The following ASTN2 variants were observed in gnomAD, a reference collection of about 807,000 sequenced individuals.
The protein encoded by ASTN2 is astrotactin-2.
In ASTN2, 54 loss-of-function variants were observed where a neutral mutation model predicts 139.8. The ratio of observed to expected loss-of-function variants is 0.39; its 90% confidence interval spans 0.31 to 0.48. The LOEUF (loss-of-function observed/expected upper bound fraction) is 0.48. Ranked by LOEUF, ASTN2 falls within the 20% of genes least tolerant of loss-of-function variation. ASTN2 has a pLI of 0.95. For missense variants in ASTN2, 1,565 were observed against 1,725.1 expected (o/e 0.91, Z 1.64); for synonymous variants, 756 against 719.5 (o/e 1.05, Z -0.81).
At chr9:116,661,698 T>C (rs1383914781) in intron 16 of ASTN2, among the ~76,000 whole-genome samples, 2 of 152,028 alleles carry the variant, frequency 1.3e-5, no homozygotes, top group Non-Finnish European at 2.9e-5. Flanking sequence ...TTCATATACA[T>C]CTGGATGTGA....
chr9:116,855,858 A>C (rs186839771), intron 11 of ASTN2, among the ~76,000 whole-genome samples: 1 of 152,320 alleles, frequency 6.6e-6, no homozygotes, highest in East Asian at 1.9e-4. Context: ...CAGGCACATA[A>C]TTAGTACTGA....
intron 20 of ASTN2, among the ~76,000 whole-genome samples, chr9:116,456,257 C>T (rs891653668): frequency 6.6e-6 from 1 of 151,868 alleles, no homozygotes; most frequent in African/African-American, 2.4e-5. Context: ...AAAGGAATCC[C>T]GTTTACAATA....
intron 6 of ASTN2, 52 bp downstream of exon 6, chr9:117,039,767 G>C: frequency 6.4e-7 from 1 of 1,568,228 alleles, no homozygotes; most frequent in Non-Finnish European, 8.7e-7. Context: ...TGACCAGTCA[G>C]GGGTGCAAGG....
intron 18 of ASTN2, among the ~76,000 whole-genome samples, chr9:116,619,898 C>G (rs1015465773): frequency 6.6e-6 from 1 of 151,942 alleles, no homozygotes; most frequent in Non-Finnish European, 1.5e-5. Flanking sequence ...CTAAATTGTC[C>G]GTTCCCTGAG....
At position 116,681,128 on chromosome 9, in the gene ASTN2, T is replaced by C. The variant is rs146109782; in HGVS notation, c.2807-29335A>G. Among the ~76,000 whole-genome samples, 630 of 152,306 alleles carry C rather than the reference T, an allele frequency of 4.1e-3. 2 individuals are homozygous for C. The highest frequency in any genetic ancestry group is 0.02 in the Middle Eastern group (6 of 294). On this transcript the variant is annotated intron_variant, in intron 16 of 22. Coordinates refer to ENST00000313400, the MANE Select transcript of ASTN2 (RefSeq NM_001365068.1). ...ATAATTGTATATCTAGAAAACCCCA[T>C]TGTCTCAGCCCAAAATCTCCTTAAG...
intron 1 of ASTN2, among the ~76,000 whole-genome samples, chr9:117,354,886 A>T (rs1015238523): frequency 4.6e-5 from 7 of 152,224 alleles, no homozygotes; most frequent in African/African-American, 1.7e-4. Flanking sequence ...TAAATGCCCT[A>T]GTTATAAGTT....
intron 19 of ASTN2, among the ~76,000 whole-genome samples, chr9:116,521,724 G>T (rs1462705334): frequency 6.6e-6 from 1 of 152,128 alleles, no homozygotes; most frequent in Non-Finnish European, 1.5e-5. Flanking sequence ...AAAACCCACA[G>T]AGTGGGAGAA....
At chr9:116,570,947 T>C (rs1853480249) in intron 19 of ASTN2, among the ~76,000 whole-genome samples, 1 of 152,236 alleles carries the variant, frequency 6.6e-6, no homozygotes, top group African/African-American at 2.4e-5. Flanking sequence ...AAAGGTATAT[T>C]TTTAAAAGGA....
At chr9:117,404,396 T>C (rs1360813768) in intron 1 of ASTN2, among the ~76,000 whole-genome samples, 1 of 152,200 alleles carries the variant, frequency 6.6e-6, no homozygotes, top group Middle Eastern at 3.2e-3. Flanking sequence ...TTGGTTGTGC[T>C]GTGGATTAGC....
At chr9:117,338,404 G>A (rs1828957354) in intron 1 of ASTN2, among the ~76,000 whole-genome samples, 1 of 152,006 alleles carries the variant, frequency 6.6e-6, no homozygotes, top group Non-Finnish European at 1.5e-5. Flanking sequence ...CAATCCTACA[G>A]ATCCTATCCA....
At chr9:116,978,312 G>T (rs1659800274) in intron 7 of ASTN2, among the ~76,000 whole-genome samples, 1 of 152,116 alleles carries the variant, frequency 6.6e-6, no homozygotes, top group African/African-American at 2.4e-5. Flanking sequence ...TTACTGCCTA[G>T]AATAGGGTCA....
At chr9:117,195,358 T>C (rs1444541717) in intron 3 of ASTN2, among the ~76,000 whole-genome samples, 2 of 152,102 alleles carry the variant, frequency 1.3e-5, no homozygotes, top group African/African-American at 4.8e-5. Flanking sequence ...TTAGCAAGTC[T>C]GAAGAACAGA....
intron 2 of ASTN2, among the ~76,000 whole-genome samples, chr9:117,241,932 C>CT (rs1345378127): frequency 1.4e-5 from 2 of 147,768 alleles, no homozygotes; most frequent in African/African-American, 5.1e-5. Context: ...TTACCCCCCC[C>CT]CACACACACA....
intron 10 of ASTN2, among the ~76,000 whole-genome samples, chr9:116,934,106 T>G (rs1834998176): frequency 6.6e-6 from 1 of 150,680 alleles, no homozygotes; most frequent in African/African-American, 2.4e-5. Context: ...CCAGATGCAA[T>G]TCAATATTTT....
chr9:116,696,931 A>G (rs1194430550), intron 16 of ASTN2, among the ~76,000 whole-genome samples: 1 of 148,274 alleles, frequency 6.7e-6, no homozygotes. Flanking sequence ...ACATGACACA[A>G]TAAACTCTGT....
intron 19 of ASTN2, among the ~76,000 whole-genome samples, chr9:116,548,180 G>A (rs574738997): frequency 5.7e-4 from 87 of 152,312 alleles, no homozygotes; most frequent in African/African-American, 2.1e-3. Context: ...TCTGGGCCTT[G>A]CCTCTAAGCC....
intron 13 of ASTN2, among the ~76,000 whole-genome samples, chr9:116,779,296 CT>C (rs1264539717): frequency 6.6e-6 from 1 of 152,046 alleles, no homozygotes; most frequent in African/African-American, 2.4e-5. Context: ...GGTTTGGTCC[CT>C]TTTTTCCCCT....
intron 10 of ASTN2, among the ~76,000 whole-genome samples, chr9:116,893,228 C>T (rs961925237): frequency 2.6e-5 from 4 of 151,606 alleles, no homozygotes; most frequent in Non-Finnish European, 5.9e-5. Context: ...CCTTCATATT[C>T]TTCTTTTTCC....
chr9:116,474,926 G>T (rs1848930438), intron 20 of ASTN2, among the ~76,000 whole-genome samples: 1 of 152,158 alleles, frequency 6.6e-6, no homozygotes, highest in Non-Finnish European at 1.5e-5. Context: ...CCCTAAAGTA[G>T]AAAGTGATGG....
Sources: gnomAD v4.1 joint callset for allele counts (sites outside exome capture counted in the v4.1 genomes callset) on GRCh38, gnomAD v4.1.1 for gene constraint, MANE v1.5 for transcripts, NCBI Gene and HGNC (gene_info 2026-07-23, HGNC 2026-07-21) for gene names.